The following NRG1 variants were observed in gnomAD, a reference collection of about 807,000 sequenced individuals.
NRG1 encodes the protein pro-neuregulin-1, membrane-bound isoform.
Under a neutral mutation model 63.8 loss-of-function variants are expected in NRG1, and 18 were observed. The observed-to-expected ratio is 0.28, with a 90% confidence interval of 0.19 to 0.42. NRG1 has a LOEUF of 0.42. NRG1 is among the 10% of genes least tolerant of loss of function. The pLI, the probability that NRG1 is intolerant of heterozygous loss-of-function variation, is 1.00. For synonymous variants in NRG1, 302 were observed against 301.3 expected (o/e 1.00, Z -0.02); for missense variants, 762 against 814.7 (o/e 0.94, Z 0.79).
chr8:31,643,745 C>T (rs548085786), intron 1 of NRG1, among the ~76,000 whole-genome samples: 13 of 152,202 alleles, frequency 8.5e-5, no homozygotes, highest in South Asian at 2.1e-4. Flanking sequence ...ATTTGCTGTC[C>T]GATTAAATCT....
At chr8:32,635,710 C>T (rs976096629) in intron 5 of NRG1, among the ~76,000 whole-genome samples, 1 of 152,054 alleles carries the variant, frequency 6.6e-6, no homozygotes, top group African/African-American at 2.4e-5. Context: ...TGTAGAGATC[C>T]CTCTGCTATT....
rs1002066551 is a variant in NRG1, at chr8:31,908,421, G to C, written c.37+268990G>C. ...TGTTAGGGCTCCATTTGTATGGAGAGGTAACACTCACTGGTGGCAGTGGTT... is the reference window on the plus strand; with the variant it reads ...TGTTAGGGCTCCATTTGTATGGAGACGTAACACTCACTGGTGGCAGTGGTT... On this transcript the variant is annotated intron_variant, in intron 1 of 10. Coordinates refer to the NRG1 transcript ENST00000519301. Among the ~76,000 whole-genome samples, 6 of 152,192 alleles carry C rather than the reference G, an allele frequency of 3.9e-5. No individual in the cohort carries two copies. In the East Asian group the frequency reaches 9.6e-4, roughly 24 times the overall value.
intron 1 of NRG1, among the ~76,000 whole-genome samples, chr8:31,912,447 C>T (rs537023822): frequency 1.3e-5 from 2 of 151,686 alleles, no homozygotes; most frequent in African/African-American, 4.8e-5. Flanking sequence ...GTAAAATCCA[C>T]GGGAGGACTA....
intron 1 of NRG1, among the ~76,000 whole-genome samples, chr8:31,983,954 G>T (rs1384731209): frequency 6.6e-6 from 1 of 152,060 alleles, no homozygotes; most frequent in Admixed American, 6.6e-5. Flanking sequence ...GTAAGACAAG[G>T]TAAATCACCT....
intron 1 of NRG1, among the ~76,000 whole-genome samples, chr8:32,465,477 T>G (rs1205455087): frequency 6.6e-6 from 1 of 152,222 alleles, no homozygotes; most frequent in Non-Finnish European, 1.5e-5. Flanking sequence ...TGGATATTCA[T>G]GGTTTATTGC....
intron 6 of NRG1, among the ~76,000 whole-genome samples, chr8:32,736,111 T>C (rs1824988485): frequency 6.6e-6 from 1 of 152,194 alleles, no homozygotes; most frequent in Non-Finnish European, 1.5e-5. Flanking sequence ...TAATATTTTC[T>C]TTAATGATGT....
At chr8:32,691,229 G>A (rs746105572) in intron 5 of NRG1, among the ~76,000 whole-genome samples, 15 of 151,952 alleles carry the variant, frequency 9.9e-5, no homozygotes, top group Admixed American at 2.0e-4. Context: ...ACATGGTGGC[G>A]GGCGCCTGTG....
chr8:32,373,537 A>G (rs1162545859), intron 1 of NRG1, among the ~76,000 whole-genome samples: 3 of 152,226 alleles, frequency 2.0e-5, no homozygotes, highest in Non-Finnish European at 2.9e-5. Context: ...AAGTAAATCA[A>G]TACATGCTAA....
intron 1 of NRG1, among the ~76,000 whole-genome samples, chr8:32,562,423 T>A (rs35673547): frequency 0.59 from 89,549 of 151,400 alleles, 26,982 homozygotes; most frequent in East Asian, 0.85. Context: ...ATTTTTTTTT[T>A]AATTTTGTAG....
intron 1 of NRG1, among the ~76,000 whole-genome samples, chr8:32,004,481 G>A (rs1043521042): frequency 6.6e-6 from 1 of 151,618 alleles, no homozygotes; most frequent in Non-Finnish European, 1.5e-5. Flanking sequence ...GTGAATAATA[G>A]GGAAAAACTC....
At chr8:31,686,914 C>T (rs2131097695) in intron 1 of NRG1, among the ~76,000 whole-genome samples, 1 of 151,864 alleles carries the variant, frequency 6.6e-6, no homozygotes, top group African/African-American at 2.4e-5. Context: ...ATTATAGGCG[C>T]CCACCACTAC....
intron 1 of NRG1, among the ~76,000 whole-genome samples, chr8:31,959,630 C>T (rs1805071267): frequency 6.6e-6 from 1 of 152,016 alleles, no homozygotes; most frequent in Non-Finnish European, 1.5e-5. Context: ...TCTATAAAGC[C>T]TTATCCAGAG....
intron 1 of NRG1, among the ~76,000 whole-genome samples, chr8:32,009,577 G>A (rs994040387): frequency 6.6e-6 from 1 of 151,880 alleles, no homozygotes; most frequent in Non-Finnish European, 1.5e-5. Context: ...GTTTTGGGGG[G>A]AAGAGGATGT....
chr8:31,988,826 GC>G (rs1304203238), intron 1 of NRG1, among the ~76,000 whole-genome samples: 1 of 152,060 alleles, frequency 6.6e-6, no homozygotes, highest in Non-Finnish European at 1.5e-5. Context: ...TAGATCCTAT[GC>G]TTTTCCAGTT....
chr8:32,303,596 G>A (rs1183373517), intron 1 of NRG1, among the ~76,000 whole-genome samples: 1 of 152,184 alleles, frequency 6.6e-6, no homozygotes, highest in Non-Finnish European at 1.5e-5. Flanking sequence ...AGTGGTGCCA[G>A]TTTTATTTCA....
intron 1 of NRG1, among the ~76,000 whole-genome samples, chr8:31,968,192 T>C (rs949733798): frequency 1.3e-5 from 2 of 152,218 alleles, no homozygotes; most frequent in African/African-American, 4.8e-5. Context: ...TAAGTATGCA[T>C]GCAAAAATAA....
chr8:32,731,118 T>G (rs930508860), intron 6 of NRG1, among the ~76,000 whole-genome samples: 1 of 152,186 alleles, frequency 6.6e-6, no homozygotes, highest in Non-Finnish European at 1.5e-5. Context: ...TTCCACATAT[T>G]AATTTCAGCT....
At chr8:31,719,998 AG>A (rs1365942030) in intron 1 of NRG1, among the ~76,000 whole-genome samples, 2 of 152,164 alleles carry the variant, frequency 1.3e-5, no homozygotes, top group African/African-American at 2.4e-5. Context: ...CACTCTGGAA[AG>A]GCCTTCTGGA....
rs1021029119 is a variant in NRG1, at chr8:32,497,372, G to A, written c.38-98456G>A. ...TGAGGCAGGAGAATCACTTGAACCT[G>A]GGAGGCGGGGGTTGCAGTGAGCCAA... On this transcript the variant is annotated intron_variant, in intron 1 of 10. Transcript: ENST00000519301. Among the ~76,000 whole-genome samples, 32 of 151,260 alleles carry A rather than the reference G, an allele frequency of 2.1e-4. 2 individuals carry two copies. The highest frequency in any genetic ancestry group is 1.5e-5 in the Non-Finnish European group (1 of 67,932).
Sources: allele counts gnomAD v4.1 joint callset (sites outside exome capture counted in the v4.1 genomes callset), GRCh38; gene constraint gnomAD v4.1.1; transcripts MANE v1.5; gene names NCBI Gene and HGNC (gene_info 2026-07-23, HGNC 2026-07-21).